The following HHAT variants were observed in gnomAD, a reference collection of about 807,000 sequenced individuals.
The protein encoded by HHAT is protein-cysteine N-palmitoyltransferase HHAT.
HHAT carries 47 observed loss-of-function variants against 70.8 expected under a neutral mutation model. The ratio of observed to expected loss-of-function variants is 0.66; its 90% CI spans 0.53 to 0.85. The LOEUF is 0.85. HHAT is among the 40% of genes least tolerant of loss of function. HHAT has a pLI of 0.00. For missense variants in HHAT, 609 were observed against 604.8 expected, an observed-to-expected ratio of 1.01 and a Z score of -0.07; for synonymous variants, 228 against 247.6, an observed-to-expected ratio of 0.92 and a Z score of 0.74.
chr1:210,357,677 G>A (rs369994715), intron 2 of HHAT, among the ~76,000 whole-genome samples: 4 of 152,240 alleles, frequency 2.6e-5, no homozygotes, highest in East Asian at 1.9e-4. Context: ...AAAATTAGCC[G>A]GGTGTGGTGG....
chr1:210,405,536 T>C (rs2092295455), intron 6 of HHAT, among the ~76,000 whole-genome samples: 2 of 151,976 alleles, frequency 1.3e-5, no homozygotes, highest in African/African-American at 2.4e-5. Flanking sequence ...GCAGAACACA[T>C]ACCCACGCAT....
At chr1:210,388,826 G>A (rs1023642174) in intron 4 of HHAT, among the ~76,000 whole-genome samples, 5 of 152,114 alleles carry the variant, frequency 3.3e-5, no homozygotes, top group African/African-American at 1.2e-4. Context: ...TCCCATCCAT[G>A]TGTAAATGAC....
At chr1:210,413,800 A>G (rs868456511) in intron 6 of HHAT, among the ~76,000 whole-genome samples, 6 of 152,204 alleles carry the variant, frequency 3.9e-5, no homozygotes, top group Admixed American at 6.5e-5. Context: ...CTTTAAGAAT[A>G]TTGAGGCTTT....
intron 11 of HHAT, among the ~76,000 whole-genome samples, chr1:210,654,262 C>A (rs1054511213): frequency 3.0e-5 from 2 of 67,464 alleles, no homozygotes; most frequent in African/African-American, 1.1e-4. Context: ...CATGCACTGG[C>A]GACCAATAGA....
At chr1:210,581,215 T>G (rs957004287) in intron 9 of HHAT, among the ~76,000 whole-genome samples, 1 of 152,226 alleles carries the variant, frequency 6.6e-6, no homozygotes, top group African/African-American at 2.4e-5. Flanking sequence ...CCTTGTAAAT[T>G]CTGGGTATTA....
In HHAT at chr1:210,329,050, G is replaced by T; in HGVS notation, c.-98G>T. 1 of 1,432,314 alleles carries T rather than the reference G, an allele frequency of 7.0e-7. No individual in the cohort carries two copies. The allele number at this position is 1,432,314 out of a possible 1,614,324, so 88.7% of individuals were successfully genotyped here. On this transcript the variant is annotated 5_prime_UTR_variant, in exon 1 of 12. An upstream open reading frame in the 5' UTR gains an earlier in-frame stop. Transcript: ENST00000261458. ...CGGAAGTGCCGAAAGAGGGGTGTTG[G>T]GAACTCGCGGCGCGCGTGAACGTTG...
At chr1:210,476,822 G>A (rs957697214) in intron 8 of HHAT, among the ~76,000 whole-genome samples, 1 of 152,176 alleles carries the variant, frequency 6.6e-6, no homozygotes, top group Non-Finnish European at 1.5e-5. Flanking sequence ...CAGGATCTTG[G>A]CTGCCAACTA....
intron 9 of HHAT, among the ~76,000 whole-genome samples, chr1:210,534,312 T>A (rs946402841): frequency 6.6e-6 from 1 of 152,210 alleles, no homozygotes; most frequent in African/African-American, 2.4e-5. Flanking sequence ...CCTGTTATAT[T>A]TAACTTTGGC....
At chr1:210,535,556 A>T (rs2095363221) in intron 9 of HHAT, among the ~76,000 whole-genome samples, 1 of 152,060 alleles carries the variant, frequency 6.6e-6, no homozygotes, top group East Asian at 1.9e-4. Context: ...AGGAGGGGGT[A>T]GACCAGTCCG....
At position 210,451,612 on chromosome 1, in the gene HHAT, C is replaced by T. The variant is rs1350316612; in HGVS notation, c.857-12893C>T. 3.3e-5 allele frequency among the ~76,000 whole-genome samples: 5 copies of T among 151,992 alleles called. No individual in the cohort carries two copies. The South Asian group carries it at 8.3e-4, about 25-fold the overall frequency. On this transcript the variant is annotated intron_variant, in intron 7 of 11. Transcript: ENST00000261458. ...TATTTATTTAGAGACAGGGTTTCAC[C>T]CTGTTACCTAGGCTGAGGTGCAGTG...
At chr1:210,567,811 C>T (rs1655139948) in intron 9 of HHAT, among the ~76,000 whole-genome samples, 1 of 152,152 alleles carries the variant, frequency 6.6e-6, no homozygotes, top group Admixed American at 6.5e-5. Flanking sequence ...GCTGAGCCAG[C>T]CTTATTCTTG....
rs985441626 is a variant in HHAT at position 210,674,470 on chromosome 1, A to T, written c.*91A>T. 25 of 943,826 alleles carry T rather than the reference A, an allele frequency of 2.6e-5. 1 individual carries two copies. The highest frequency in any genetic ancestry group is 4.0e-5 in the Non-Finnish European group (24 of 605,114). 58.5% of individuals were successfully genotyped at this position (943,826 alleles called of 1,614,324 possible). ...CTCACTCCAGGACAGCCTCTAAGGG[A>T]TTTGATCTGCTCATCTTCAGTTGAA... On this transcript the variant is annotated 3_prime_UTR_variant, in exon 12 of 12. Transcript: ENST00000261458.
intron 11 of HHAT, among the ~76,000 whole-genome samples, chr1:210,642,677 C>T (rs1034646749): frequency 6.6e-6 from 1 of 152,112 alleles, no homozygotes. Flanking sequence ...AGTCTTTTGG[C>T]CATTTAAAAA....
At chr1:210,412,285 A>G (rs1020343827) in intron 6 of HHAT, among the ~76,000 whole-genome samples, 1 of 152,196 alleles carries the variant, frequency 6.6e-6, no homozygotes, top group African/African-American at 2.4e-5. Context: ...CTGAAAATTA[A>G]TGGCCTCCTT....
At chr1:210,386,230 C>CTTTCTTCTTTTTTTTTTT (rs1324452281) in intron 3 of HHAT, among the ~76,000 whole-genome samples, 1 of 69,922 alleles carries the variant, frequency 1.4e-5, no homozygotes, top group Admixed American at 1.8e-4. Flanking sequence ...TTCTTTTTTT[C>CTTTCTTCTTTTTTTTTTT]TTTTTTTTTT....
intron 10 of HHAT, among the ~76,000 whole-genome samples, chr1:210,595,857 T>G (rs1002794653): frequency 1.3e-5 from 2 of 152,206 alleles, no homozygotes; most frequent in African/African-American, 2.4e-5. Flanking sequence ...CTTTGTAGAT[T>G]CTGGATACTA....
chr1:210,419,696 T>TGA (rs1335168838), intron 7 of HHAT, among the ~76,000 whole-genome samples: 7 of 152,236 alleles, frequency 4.6e-5, no homozygotes, highest in Non-Finnish European at 1.0e-4. Flanking sequence ...GGACGAAACC[T>TGA]TTAAGATTGA....
intron 1 of HHAT, among the ~76,000 whole-genome samples, chr1:210,330,005 C>A (rs897784406): frequency 2.0e-5 from 3 of 152,190 alleles, no homozygotes; most frequent in Middle Eastern, 3.2e-3. Flanking sequence ...CCTCGACCTC[C>A]CAAAGTGCTG....
intron 2 of HHAT, among the ~76,000 whole-genome samples, chr1:210,356,146 T>G (rs4845005): frequency 0.48 from 71,626 of 150,754 alleles, 18,321 homozygotes; most frequent in South Asian, 0.59. Flanking sequence ...AGGCTGGTCT[T>G]AAACCCCTGG....
Sources: gnomAD v4.1 joint callset for allele counts (sites outside exome capture counted in the v4.1 genomes callset) on GRCh38, gnomAD v4.1.1 for gene constraint, MANE v1.5 for transcripts, NCBI Gene and HGNC (gene_info 2026-07-23, HGNC 2026-07-21) for gene names.